TNIP3: variants seen among roughly 807,000 people sequenced by gnomAD.
TNIP3 encodes TNFAIP3 interacting protein 3.
In TNIP3, 34 loss-of-function variants were observed where a neutral mutation model predicts 54.1. That is an observed-to-expected ratio of 0.63 (90% confidence interval 0.48 to 0.84). The LOEUF (loss-of-function observed/expected upper bound fraction) is 0.84. TNIP3 is among the 40% of genes least tolerant of loss of function. The pLI is 0.00. For missense variants in TNIP3, 366 were observed against 387.6 expected (o/e 0.94, Z 0.47); for synonymous variants, 134 against 136.8 (o/e 0.98, Z 0.14).
intron 2 of TNIP3, among the ~76,000 whole-genome samples, chr4:121,187,333 T>C (rs554637742): frequency 6.6e-6 from 1 of 152,226 alleles, no homozygotes; most frequent in Admixed American, 6.5e-5. Flanking sequence ...TTGAGAGTTA[T>C]GGCTCCAATG....
intron 2 of TNIP3, among the ~76,000 whole-genome samples, chr4:121,201,722 T>C (rs541967297): frequency 1.3e-5 from 2 of 152,328 alleles, no homozygotes; most frequent in East Asian, 3.9e-4. Flanking sequence ...CATTTGTATA[T>C]TAATTAATAC....
intron 10 of TNIP3, among the ~76,000 whole-genome samples, chr4:121,136,099 C>A (rs888845036): frequency 2.0e-5 from 3 of 152,184 alleles, no homozygotes; most frequent in African/African-American, 7.2e-5. Context: ...ACAACATATC[C>A]TGGTCAGGTT....
Position 121,132,652 on chromosome 4 carries a change from T to C in TNIP3, c.957A>G (p.Ser319=). The change falls in exon 11 of 11, where the codon TCA becomes TCG. Residue 319 remains serine, a synonymous_variant. Coordinates refer to ENST00000057513, the MANE Select transcript of TNIP3 (RefSeq NM_024873.6). ...ACTTCTACGGATGGACTTTCTTTAC[T>C]GAGGATAAACCTATGGAAAACAGTA... ...DVQHKANGLS[S]VKKVHP is the part of the protein sequence containing the mutation. 8.1e-6 allele frequency: 13 copies of C among 1,612,648 alleles called. No homozygotes were observed. Among genetic ancestry groups the C allele is most frequent in the Non-Finnish European group, 1.0e-5 (12 of 1,178,804 alleles).
At chr4:121,200,960 A>G (rs1171281035) in intron 2 of TNIP3, among the ~76,000 whole-genome samples, 1 of 152,150 alleles carries the variant, frequency 6.6e-6, no homozygotes, top group African/African-American at 2.4e-5. Flanking sequence ...GTGAGAGTGA[A>G]AGTAAAGGTC....
intron 10 of TNIP3, among the ~76,000 whole-genome samples, chr4:121,134,776 C>G (rs994389762): frequency 6.6e-6 from 1 of 152,088 alleles, no homozygotes; most frequent in Non-Finnish European, 1.5e-5. Flanking sequence ...CACTGATGTC[C>G]CCATCTTATA....
At chr4:121,150,050 T>C (rs200765017) in intron 6 of TNIP3, 53 bp downstream of exon 6, 10 of 1,145,604 alleles carry the variant, frequency 8.7e-6, no homozygotes, top group South Asian at 1.4e-5. Context: ...CAAAGAAGCA[T>C]GAAAAATGGG....
At chr4:121,144,402 T>G (rs6856825) in intron 7 of TNIP3, among the ~76,000 whole-genome samples, 35,849 of 152,060 alleles carry the variant, frequency 0.24, 4,414 homozygotes, top group Middle Eastern at 0.29. Flanking sequence ...CGTTTTTTTG[T>G]TTTTTTCTTT....
intron 1 of TNIP3, among the ~76,000 whole-genome samples, chr4:121,227,157 T>C (rs1727292102): frequency 6.6e-6 from 1 of 152,186 alleles, no homozygotes; most frequent in African/African-American, 2.4e-5. Context: ...AAATAAAAAA[T>C]GTAAAGGAAA....
At chr4:121,191,468 CA>C (rs1164149665) in intron 2 of TNIP3, among the ~76,000 whole-genome samples, 4 of 152,184 alleles carry the variant, frequency 2.6e-5, no homozygotes, top group Non-Finnish European at 5.9e-5. Context: ...TCAACAAGAA[CA>C]TTTAAATGAT....
chr4:121,203,604 A>T (rs1237856290), intron 2 of TNIP3, among the ~76,000 whole-genome samples: 1 of 152,150 alleles, frequency 6.6e-6, no homozygotes, highest in Non-Finnish European at 1.5e-5. Flanking sequence ...GTTCCCCAAA[A>T]ACCTATTAAA....
intron 2 of TNIP3, among the ~76,000 whole-genome samples, chr4:121,209,221 A>C (rs1159279856): frequency 1.3e-5 from 2 of 152,172 alleles, no homozygotes; most frequent in Non-Finnish European, 2.9e-5. Context: ...GTTGTATCTT[A>C]ATAATAAACT....
intron 4 of TNIP3, 93 bp downstream of exon 4, chr4:121,157,001 T>C: frequency 7.7e-6 from 12 of 1,550,316 alleles, no homozygotes; most frequent in Non-Finnish European, 1.1e-5. Context: ...AGTGAGTTGA[T>C]TTTAATAAAA....
chr4:121,198,248 G>GA (rs1315094577), intron 2 of TNIP3, among the ~76,000 whole-genome samples: 1 of 151,730 alleles, frequency 6.6e-6, no homozygotes, highest in African/African-American at 2.4e-5. Flanking sequence ...AAGCTACAGA[G>GA]AAAATGCACA....
In TNIP3 at chr4:121,179,007, C is replaced by T. The variant is rs79611124; in HGVS notation, c.189+3669G>A. On this transcript the variant is annotated intron_variant, in intron 3 of 12. Transcript: ENST00000507879. ...ACAAAGCAGGGAGGGGGCTGAGTAA[C>T]GCCATGTGGGACTAGAGAGGGTGAA... Among the ~76,000 whole-genome samples, 130 of 152,194 alleles carry T rather than the reference C, an allele frequency of 8.5e-4. 2 individuals carry two copies. Among genetic ancestry groups the T allele is most frequent in the Admixed American group, 1.6e-3 (25 of 15,296 alleles).
At chr4:121,216,517 TGAAG>T (rs2148850371) in intron 1 of TNIP3, 1 of 1,535,440 alleles carries the variant, frequency 6.5e-7, no homozygotes, top group East Asian at 2.4e-5. Context: ...TAAAAAAATA[TGAAG>T]GACATGAGGC....
chr4:121,222,811 T>TTTTG (rs1727086967), intron 1 of TNIP3, among the ~76,000 whole-genome samples: 1 of 142,848 alleles, frequency 7.0e-6, no homozygotes, highest in African/African-American at 2.6e-5. Flanking sequence ...TGCGTTTTTT[T>TTTTG]TTTTTTTTTT....
chr4:121,133,704 T>C (rs935866826), intron 10 of TNIP3, among the ~76,000 whole-genome samples: 12 of 152,128 alleles, frequency 7.9e-5, no homozygotes, highest in African/African-American at 2.2e-4. Context: ...AAAACAAAGA[T>C]AGGTCTTTAG....
chr4:121,209,562 G>C (rs1180176572), intron 2 of TNIP3, among the ~76,000 whole-genome samples: 1 of 152,146 alleles, frequency 6.6e-6, no homozygotes, highest in Non-Finnish European at 1.5e-5. Context: ...CAAGCAAGCA[G>C]CATTATTCCT....
At chr4:121,182,591 T>C in intron 3 of TNIP3, 1 of 1,465,350 alleles carries the variant, frequency 6.8e-7, no homozygotes, top group Non-Finnish European at 9.1e-7. Flanking sequence ...GGTAAATGAC[T>C]TGGGGACTGT....
Sources: allele counts gnomAD v4.1 joint callset (sites outside exome capture counted in the v4.1 genomes callset), GRCh38; gene constraint gnomAD v4.1.1; transcripts MANE v1.5; gene names NCBI Gene and HGNC (gene_info 2026-07-23, HGNC 2026-07-21).